JUN: variants seen among roughly 807,000 people sequenced by gnomAD.
JUN encodes transcription factor Jun.
In JUN, 7 loss-of-function variants were observed where a neutral mutation model predicts 19.7. The observed-to-expected ratio is 0.36, with a 90% CI of 0.20 to 0.67. The LOEUF is 0.67. Ranked by LOEUF, JUN falls within the 30% of genes least tolerant of loss-of-function variation. JUN has a pLI of 0.64. For synonymous variants in JUN, 246 were observed against 206.9 expected, an observed-to-expected ratio of 1.19 and a Z score of -1.62; for missense variants, 373 against 451.0, an observed-to-expected ratio of 0.83 and a Z score of 1.57.
In JUN at chr1:58,782,893, G is replaced by A. The variant is rs1176942708; in HGVS notation, c.178C>T (p.Leu60Phe). The A allele has an allele frequency of 6.2e-7, 1 of 1,614,226 alleles. No individual in the cohort carries two copies. Among genetic ancestry groups the A allele is most frequent in the Non-Finnish European group, 8.5e-7 (1 of 1,180,042 alleles). ...KPHLRAKNSD[L>F]LTSPDVGLLK... Reference sequence around the variant, plus strand: ...AGCCCCACGTCGGGCGAGGTGAGGAGGTCCGAGTTCTTGGCGCGGAGGTGC... The same window carrying A: ...AGCCCCACGTCGGGCGAGGTGAGGAAGTCCGAGTTCTTGGCGCGGAGGTGC... The change falls in exon 1 of 1, where the codon CTC (leucine) becomes TTC (phenylalanine). Residue 60 changes from leucine to phenylalanine, a missense_variant. By Grantham distance (22) the Leu-to-Phe change is conservative. Coordinates refer to ENST00000371222, the MANE Select transcript of JUN (RefSeq NM_002228.4). This position sits in a 1 kb window ranked among gnomAD's most constrained non-coding sequence, Gnocchi z 8.7.
rs771319731 is a variant in JUN, at chr1:58,782,656, C to G, written c.415G>C (p.Gly139Arg). Residue 139 changes from glycine to arginine, a missense_variant, in exon 1 of 1, where the codon GGG becomes CGG. Gly to Arg is a moderately radical substitution (Grantham distance 125). Coordinates refer to ENST00000371222, the MANE Select transcript of JUN (RefSeq NM_002228.4). The surrounding 1 kb of genome is among the most constrained non-coding windows in gnomAD (Gnocchi z 8.7). ...SVTSAAQPVN[G>R]AGMVAPAVAS... is the part of the protein sequence containing the mutation. ...ACCGCGGGAGCCACCATGCCTGCCC[C>G]GTTGACCGGCTGCGCCGCCGACGTG... 4.4e-6 allele frequency: 7 copies of G among 1,590,438 alleles called. No individual in the cohort carries two copies. The highest frequency in any genetic ancestry group is 1.3e-5 in the African/African-American group (1 of 74,656).
At position 58,783,848 on chromosome 1, in the gene JUN, T is replaced by C; in HGVS notation, c.-778A>G. 1 of 248,254 alleles carries C rather than the reference T, an allele frequency of 4.0e-6. No homozygotes were observed. Among genetic ancestry groups the C allele is most frequent in the Non-Finnish European group, 8.5e-6 (1 of 118,216 alleles). 15.4% of individuals were successfully genotyped at this position (248,254 alleles called of 1,614,324 possible). On this transcript the variant is annotated 5_prime_UTR_variant, in exon 1 of 1. Coordinates refer to ENST00000371222, the MANE Select transcript of JUN (RefSeq NM_002228.4). The stretch of plus-strand genomic sequence containing the variant: ...CCGGGGGCGGCTGGAGACCAGGCTC[T>C]CTGGACACTCCCGAAACACCAGCCC...
Position 58,782,663 on chromosome 1 carries a change from C to A in JUN, c.408G>T (p.Pro136=), listed in dbSNP as rs1042484002. 1 of 1,589,422 alleles carries A rather than the reference C, an allele frequency of 6.3e-7. No individual in the cohort carries two copies. Among genetic ancestry groups the A allele is most frequent in the Non-Finnish European group, 8.5e-7 (1 of 1,172,258 alleles). ...GAGCCACCATGCCTGCCCCGTTGAC[C>A]GGCTGCGCCGCCGACGTGACGCTGG... The part of the protein sequence containing the change: ...TLPSVTSAAQ[P]VNGAGMVAPA... Residue 136 remains proline (P), a synonymous_variant, in exon 1 of 1, where the codon CCG becomes CCT. Coordinates refer to ENST00000371222, the MANE Select transcript of JUN (RefSeq NM_002228.4). This position sits in a 1 kb window ranked among gnomAD's most constrained non-coding sequence, Gnocchi z 8.7.
rs1386958632 is a variant in JUN at position 58,783,879 on chromosome 1, C to A, written c.-809G>T. The A allele has an allele frequency of 8.1e-6, 2 of 248,232 alleles. No individual in the cohort carries two copies. The highest frequency in any genetic ancestry group is 1.2e-4 in the East Asian group (2 of 16,582). The allele number at this position is 248,232 out of a possible 1,614,324, so 15.4% of individuals were successfully genotyped here. On this transcript the variant is annotated 5_prime_UTR_variant, in exon 1 of 1. Transcript: ENST00000371222. ...CACTCCCGAAACACCAGCCCGGGAG[C>A]CACAGGCGCTAGCTCTGGGCAGTTA...
Position 58,781,162 on chromosome 1 carries a change from T to C in JUN, c.*913A>G. 1 of 233,282 alleles carries C rather than the reference T, an allele frequency of 4.3e-6. No homozygotes were observed. Among genetic ancestry groups the C allele is most frequent in the South Asian group, 1.8e-4 (1 of 5,524 alleles). The allele number at this position is 233,282 out of a possible 1,614,324, so 14.5% of individuals were successfully genotyped here. ...AGTATAACCTGACCATAGCATCAGG[T>C]ACATCAGGTACATTTATTTCTAAAG... On this transcript the variant is annotated 3_prime_UTR_variant, in exon 1 of 1. Coordinates refer to ENST00000371222, the MANE Select transcript of JUN (RefSeq NM_002228.4).
rs1387058507 is a variant in JUN at position 58,783,945 on chromosome 1, A to G, written c.-875T>C. On this transcript the variant is annotated 5_prime_UTR_variant, in exon 1 of 1. Transcript: ENST00000371222. Reference sequence around the variant, plus strand: ...GAAAATAAGATTTGCAGTTCGGACTATACTGCCGACCTGGCTGGCTGGCTG... The same window carrying G: ...GAAAATAAGATTTGCAGTTCGGACTGTACTGCCGACCTGGCTGGCTGGCTG... 4.0e-6 allele frequency: 1 copy of G among 248,672 alleles called. No homozygotes were observed. Among genetic ancestry groups the G allele is most frequent in the Non-Finnish European group, 8.4e-6 (1 of 118,652 alleles). 15.4% of individuals were successfully genotyped at this position (248,672 alleles called of 1,614,324 possible). A position where few individuals can be genotyped will look rare whatever the true frequency, so the allele number is the denominator to read the frequency against.
rs1439605584 is a variant in JUN at position 58,781,356 on chromosome 1, C to A, written c.*719G>T. 4.4e-6 allele frequency: 1 copy of A among 229,414 alleles called. No individual in the cohort carries two copies. Among genetic ancestry groups the A allele is most frequent in the Non-Finnish European group, 8.7e-6 (1 of 115,606 alleles). 14.2% of individuals were successfully genotyped at this position (229,414 alleles called of 1,614,324 possible). A position where few individuals can be genotyped will look rare whatever the true frequency, so the allele number is the denominator to read the frequency against. ...AGTTTATTGTATTTTCTTAAATATC[C>A]TTTCTGGAATTTTCAGAAACAAAAC... On this transcript the variant is annotated 3_prime_UTR_variant, in exon 1 of 1. Coordinates refer to ENST00000371222, the MANE Select transcript of JUN (RefSeq NM_002228.4).
At position 58,782,939 on chromosome 1, in the gene JUN, G is replaced by A. The variant is rs746952801; in HGVS notation, c.132C>T (p.Asp44=). Residue 44 remains aspartate (D), a synonymous_variant, in exon 1 of 1, where the codon GAC becomes GAT. Coordinates refer to ENST00000371222, the MANE Select transcript of JUN (RefSeq NM_002228.4). The surrounding 1 kb of genome is among the most constrained non-coding windows in gnomAD (Gnocchi z 8.7). Reference sequence around the variant, plus strand: ...GGTGCGGCTTCAGGCTCCCCACTGGGTCGGCCAGGTTCAGGGTCATGCTCT... The same window carrying A: ...GGTGCGGCTTCAGGCTCCCCACTGGATCGGCCAGGTTCAGGGTCATGCTCT... ...LKQSMTLNLA[D]PVGSLKPHLR... 1.9e-6 allele frequency: 3 copies of A among 1,614,228 alleles called. No homozygotes were observed. Among genetic ancestry groups the A allele is most frequent in the Non-Finnish European group, 2.5e-6 (3 of 1,180,032 alleles).
rs371758239 is a variant in JUN, at chr1:58,781,987, C to G, written c.*88G>C. ...TTTAGTTCTCGGACACTTCTTTTTT[C>G]TCTCCGTCGCAACTTGTCAAGTTCT... is the stretch of plus-strand genomic sequence containing the variant. On this transcript the variant is annotated 3_prime_UTR_variant, in exon 1 of 1. Coordinates refer to ENST00000371222, the MANE Select transcript of JUN (RefSeq NM_002228.4). 2 of 1,165,420 alleles carry G rather than the reference C, an allele frequency of 1.7e-6. No individual in the cohort carries two copies. Among genetic ancestry groups the G allele is most frequent in the African/African-American group, 3.1e-5 (2 of 64,742 alleles). 72.2% of individuals were successfully genotyped at this position (1,165,420 alleles called of 1,614,324 possible). A position where few individuals can be genotyped will look rare whatever the true frequency, so the allele number is the denominator to read the frequency against.
rs770207876 is a variant in JUN at position 58,782,975 on chromosome 1, C to T, written c.96G>A (p.Lys32=). 39 of 1,614,066 alleles carry T rather than the reference C, an allele frequency of 2.4e-5. No individual in the cohort carries two copies. The highest frequency in any genetic ancestry group is 3.1e-5 in the Non-Finnish European group (37 of 1,180,060). The part of the protein sequence containing the change: ...ESGPYGYSNP[K]ILKQSMTLNL... ...TCAGGGTCATGCTCTGTTTCAGGAT[C>T]TTGGGGTTACTGTAGCCATAAGGTC... Residue 32 remains lysine, a synonymous_variant, in exon 1 of 1, where the codon AAG becomes AAA. Coordinates refer to ENST00000371222, the MANE Select transcript of JUN (RefSeq NM_002228.4). This position sits in a 1 kb window ranked among gnomAD's most constrained non-coding sequence, Gnocchi z 8.7.
Position 58,783,584 on chromosome 1 carries a change from C to T in JUN, c.-514G>A, listed in dbSNP as rs1372887293. 4.0e-6 allele frequency: 1 copy of T among 249,908 alleles called. No homozygotes were observed. Among genetic ancestry groups the T allele is most frequent in the Non-Finnish European group, 8.4e-6 (1 of 119,210 alleles). 15.5% of individuals were successfully genotyped at this position (249,908 alleles called of 1,614,324 possible). ...CAACCGGTGCGAGCGAAGCTGAGCG[C>T]ACGTCCTTCTTCTCTTGCGTGGCTC... On this transcript the variant is annotated 5_prime_UTR_variant, in exon 1 of 1. Coordinates refer to ENST00000371222, the MANE Select transcript of JUN (RefSeq NM_002228.4).
In JUN at chr1:58,783,939, C is replaced by A. The variant is rs1241923631; in HGVS notation, c.-869G>T. 1 of 248,264 alleles carries A rather than the reference C, an allele frequency of 4.0e-6. No individual in the cohort carries two copies. Among genetic ancestry groups the A allele is most frequent in the Non-Finnish European group, 8.5e-6 (1 of 118,304 alleles). 15.4% of individuals were successfully genotyped at this position (248,264 alleles called of 1,614,324 possible). A position where few individuals can be genotyped will look rare whatever the true frequency, so the allele number is the denominator to read the frequency against. Reference sequence around the variant, plus strand: ...TGAAAAGAAAATAAGATTTGCAGTTCGGACTATACTGCCGACCTGGCTGGC... The same window carrying A: ...TGAAAAGAAAATAAGATTTGCAGTTAGGACTATACTGCCGACCTGGCTGGC... On this transcript the variant is annotated 5_prime_UTR_variant, in exon 1 of 1. Coordinates refer to ENST00000371222, the MANE Select transcript of JUN (RefSeq NM_002228.4).
chr1:58,782,242 T>G lies in JUN; in HGVS notation c.829A>C (p.Ile277Leu), dbSNP rs2100738766. 1.2e-6 allele frequency: 2 copies of G among 1,614,230 alleles called. No individual in the cohort carries two copies. The highest frequency in any genetic ancestry group is 1.7e-6 in the Non-Finnish European group (2 of 1,180,020). The change falls in exon 1 of 1, where the codon ATC becomes CTC. Residue 277 changes from isoleucine (I) to leucine (L), a missense_variant. Physicochemically the swap from Ile to Leu is conservative, Grantham distance 5. Transcript: ENST00000371222. The surrounding 1 kb of genome is among the most constrained non-coding windows in gnomAD (Gnocchi z 8.7). Reference protein sequence around the residue: ...SKCRKRKLERIARLEEKVKTL... With the variant: ...SKCRKRKLERLARLEEKVKTL... ...TTCACTTTTTCCTCCAGCCGGGCGA[T>G]TCTCTCCAGCTTCCTTTTTCGGCAC...
chr1:58,781,752 T>C lies in JUN; in HGVS notation c.*323A>G. On this transcript the variant is annotated 3_prime_UTR_variant, in exon 1 of 1. Coordinates refer to ENST00000371222, the MANE Select transcript of JUN (RefSeq NM_002228.4). The stretch of plus-strand genomic sequence containing the variant: ...CTCCCCCCTTTAATACTGAATGAGA[T>C]CGAATGTTAGGTCCATGCAGTTCTT... 2 of 292,578 alleles carry C rather than the reference T, an allele frequency of 6.8e-6. No homozygotes were observed. Among genetic ancestry groups the C allele is most frequent in the Middle Eastern group, 1.1e-3 (1 of 876 alleles). 18.1% of individuals were successfully genotyped at this position (292,578 alleles called of 1,614,324 possible).
rs776972788 is a variant in JUN at position 58,782,658 on chromosome 1, T to C, written c.413A>G (p.Asn138Ser). The change falls in exon 1 of 1, where the codon AAC becomes AGC. Residue 138 changes from asparagine to serine, a missense_variant. Around this residue, in one of 4 missense-constraint regions of JUN, gnomAD observed 173 missense variants for 154.5 expected, o/e 1.12. Coordinates refer to ENST00000371222, the MANE Select transcript of JUN (RefSeq NM_002228.4). This position sits in a 1 kb window ranked among gnomAD's most constrained non-coding sequence, Gnocchi z 8.7. ...PSVTSAAQPVNGAGMVAPAVA... is the reference protein window; with the variant it reads ...PSVTSAAQPVSGAGMVAPAVA... ...CGCGGGAGCCACCATGCCTGCCCCG[T>C]TGACCGGCTGCGCCGCCGACGTGAC... 1.3e-6 allele frequency: 2 copies of C among 1,590,514 alleles called. No individual in the cohort carries two copies.
In JUN at chr1:58,782,085, T is replaced by G. The variant is rs1645579329; in HGVS notation, c.986A>C (p.Gln329Pro). ...CCCGACGGTCTCTCTTCAAAATGTT[T>G]GCAACTGCTGCGTTAGCATGAGTTG... ...GCQLMLTQQL[Q>P]TF is the part of the protein sequence containing the mutation. Residue 329 changes from glutamine to proline, a missense_variant, in exon 1 of 1, where the codon CAA becomes CCA. By Grantham distance (76) the Gln-to-Pro change is moderately conservative. Around this residue, in one of 4 missense-constraint regions of JUN, gnomAD observed 83 missense variants for 143.0 expected, o/e 0.58. Coordinates refer to ENST00000371222, the MANE Select transcript of JUN (RefSeq NM_002228.4). The surrounding 1 kb of genome is among the most constrained non-coding windows in gnomAD (Gnocchi z 8.7). 6.2e-6 allele frequency: 10 copies of G among 1,611,722 alleles called. No individual in the cohort carries two copies. The highest frequency in any genetic ancestry group is 7.6e-6 in the Non-Finnish European group (9 of 1,177,926).
Position 58,783,225 on chromosome 1 carries a change from C to T in JUN, c.-155G>A. The T allele has an allele frequency of 2.7e-6, 3 of 1,117,432 alleles. No homozygotes were observed. Among genetic ancestry groups the T allele is most frequent in the African/African-American group, 1.6e-5 (1 of 63,662 alleles). 69.2% of individuals were successfully genotyped at this position (1,117,432 alleles called of 1,614,324 possible). A position where few individuals can be genotyped will look rare whatever the true frequency, so the allele number is the denominator to read the frequency against. On this transcript the variant is annotated 5_prime_UTR_variant, in exon 1 of 1. Coordinates refer to ENST00000371222, the MANE Select transcript of JUN (RefSeq NM_002228.4). ...AGCGCACGCACCCGCTGGCTGTCGT[C>T]CCCGCTGCGCCCTCCTCACCAGCTC... is the stretch of plus-strand genomic sequence containing the variant.
chr1:58,783,753 C>T lies in JUN; in HGVS notation c.-683G>A. ...GCTGCTGCAGCCGCTCGCCGACTTC[C>T]CCCGGCGGGCGCGTGGGTACCGCTG... On this transcript the variant is annotated 5_prime_UTR_variant, in exon 1 of 1. Transcript: ENST00000371222. The T allele has an allele frequency of 4.0e-6, 1 of 248,034 alleles. No homozygotes were observed. The highest frequency in any genetic ancestry group is 8.5e-6 in the Non-Finnish European group (1 of 118,034). 15.4% of individuals were successfully genotyped at this position (248,034 alleles called of 1,614,324 possible).
rs1349515436 is a variant in JUN, at chr1:58,781,196, A to G, written c.*879T>C. The G allele has an allele frequency of 9.9e-5, 23 of 233,232 alleles. No homozygotes were observed. The highest frequency in any genetic ancestry group is 3.4e-5 in the Non-Finnish European group (4 of 117,848). 14.4% of individuals were successfully genotyped at this position (233,232 alleles called of 1,614,324 possible). A position where few individuals can be genotyped will look rare whatever the true frequency, so the allele number is the denominator to read the frequency against. ...TACATTTATTTCTAAAGTCTAATAG[A>G]GAACAGTTTTTACTGCTTAATAGTA... On this transcript the variant is annotated 3_prime_UTR_variant, in exon 1 of 1. Coordinates refer to ENST00000371222, the MANE Select transcript of JUN (RefSeq NM_002228.4).
Sources: allele counts gnomAD v4.1 joint callset, GRCh38; gene constraint gnomAD v4.1.1; regional missense constraint gnomAD v4.1.1; non-coding constraint Gnocchi (gnomAD v3.1); transcripts MANE v1.5; gene names NCBI Gene and HGNC (gene_info 2026-07-23, HGNC 2026-07-21).